The following IKZF2 variants were observed in gnomAD, a reference collection of about 807,000 sequenced individuals.
IKZF2 encodes IKAROS family zinc finger 2.
A neutral mutation model predicts 49.2 loss-of-function variants in IKZF2; 15 were observed. That is an observed-to-expected ratio of 0.30 (90% CI 0.20 to 0.47). IKZF2 has a LOEUF of 0.47. Among genes scored for constraint, IKZF2 ranks in the 20% least tolerant of loss-of-function variants. The pLI is 1.00. For missense variants in IKZF2, 567 were observed against 664.6 expected (o/e 0.85, Z 1.61); for synonymous variants, 227 against 221.4 (o/e 1.03, Z -0.23).
chr2:213,012,010 G>A (rs964614010), intron 8 of IKZF2, among the ~76,000 whole-genome samples: 1 of 152,070 alleles, frequency 6.6e-6, no homozygotes, highest in Non-Finnish European at 1.5e-5. Context: ...AAGTAGATAT[G>A]CAGGAAGTTC....
In IKZF2 at chr2:213,056,996, T is replaced by C. The variant is rs753941329; in HGVS notation, c.243A>G (p.Glu81=). Residue 81 remains glutamate, a synonymous_variant, in exon 5 of 9, where the codon GAA becomes GAG. Coordinates refer to ENST00000434687, the MANE Select transcript of IKZF2 (RefSeq NM_001387220.1). The part of the protein sequence containing the change: ...IRGHDEGSSL[E]EPLIESSEVA... ...CCTCGCTGCTCTCAATTAGGGGTTC[T>C]TCTAGGCTGCTACCCTCATCATGGC... 3.1e-6 allele frequency: 5 copies of C among 1,613,924 alleles called. No homozygotes were observed. Among genetic ancestry groups the C allele is most frequent in the Non-Finnish European group, 4.2e-6 (5 of 1,179,908 alleles).
chr2:213,094,792 C>A (rs1479713539), intron 4 of IKZF2, among the ~76,000 whole-genome samples: 1 of 151,986 alleles, frequency 6.6e-6, no homozygotes, highest in Non-Finnish European at 1.5e-5. Context: ...TGTGGACTGG[C>A]AAGAGGAGAG....
chr2:213,011,007 G>A (rs187392172), intron 8 of IKZF2, among the ~76,000 whole-genome samples: 1 of 152,144 alleles, frequency 6.6e-6, no homozygotes, highest in Admixed American at 6.6e-5. Flanking sequence ...CAAGAAAAGA[G>A]TGTGTTTCCA....
chr2:213,110,187 T>C (rs1208465315), intron 4 of IKZF2, among the ~76,000 whole-genome samples: 3 of 151,968 alleles, frequency 2.0e-5, no homozygotes, highest in Admixed American at 6.6e-5. Flanking sequence ...TTATTAGTGT[T>C]TTTTTCCTTT....
intron 4 of IKZF2, among the ~76,000 whole-genome samples, chr2:213,109,161 C>T (rs184626914): frequency 6.6e-6 from 1 of 152,122 alleles, no homozygotes; most frequent in East Asian, 1.9e-4. Context: ...ATTAAATAAT[C>T]ACTTTGAGGA....
chr2:213,111,665 GTA>G (rs1559288432), intron 4 of IKZF2, among the ~76,000 whole-genome samples: 1 of 152,016 alleles, frequency 6.6e-6, no homozygotes, highest in Non-Finnish European at 1.5e-5. Context: ...CTGAGCATGC[GTA>G]TGTGTTTTCC....
chr2:213,067,955 G>A (rs887277977), intron 4 of IKZF2, among the ~76,000 whole-genome samples: 2 of 152,006 alleles, frequency 1.3e-5, no homozygotes, highest in African/African-American at 4.8e-5. Flanking sequence ...ACTTCTCATT[G>A]TAAGTAGTTA....
At chr2:213,050,777 G>A (rs997248640) in intron 5 of IKZF2, among the ~76,000 whole-genome samples, 3 of 151,982 alleles carry the variant, frequency 2.0e-5, no homozygotes, top group African/African-American at 7.2e-5. Flanking sequence ...AAACATGTAC[G>A]CAATGAAGCA....
chr2:213,111,508 C>T (rs1464154734), intron 4 of IKZF2, among the ~76,000 whole-genome samples: 1 of 151,860 alleles, frequency 6.6e-6, no homozygotes, highest in Non-Finnish European at 1.5e-5. Flanking sequence ...CAAAACATAC[C>T]ATCTGCAAAA....
At chr2:213,069,998 A>C (rs1702534031) in intron 4 of IKZF2, among the ~76,000 whole-genome samples, 1 of 152,082 alleles carries the variant, frequency 6.6e-6, no homozygotes, top group South Asian at 2.1e-4. Flanking sequence ...CGATATTTTT[A>C]ACCATAAACA....
intron 4 of IKZF2, among the ~76,000 whole-genome samples, chr2:213,082,894 A>T (rs1704101821): frequency 6.6e-6 from 1 of 152,198 alleles, no homozygotes; most frequent in Non-Finnish European, 1.5e-5. Context: ...CTTCTAAAAT[A>T]TGTTTGCAAA....
chr2:213,057,400 G>A (rs1267049422), intron 4 of IKZF2, among the ~76,000 whole-genome samples: 1 of 151,990 alleles, frequency 6.6e-6, no homozygotes, highest in African/African-American at 2.4e-5. Flanking sequence ...TCCTGGTATT[G>A]GCTTTTGAGT....
chr2:213,133,736 T>TAAATAAATAAATA (rs1559317308), intron 4 of IKZF2, among the ~76,000 whole-genome samples: 2 of 110,418 alleles, frequency 1.8e-5, no homozygotes, highest in African/African-American at 6.0e-5. Flanking sequence ...ATAAATAAAA[T>TAAATAAATAAATA]AAATATTCAC....
At chr2:213,052,983 A>G (rs1305162073) in intron 5 of IKZF2, among the ~76,000 whole-genome samples, 1 of 152,152 alleles carries the variant, frequency 6.6e-6, no homozygotes, top group Non-Finnish European at 1.5e-5. Flanking sequence ...TTTCTTGTAA[A>G]TAATTTGTTC....
chr2:213,029,261 T>C (rs1205434298), intron 6 of IKZF2, among the ~76,000 whole-genome samples: 4 of 152,066 alleles, frequency 2.6e-5, no homozygotes, highest in African/African-American at 7.2e-5. Flanking sequence ...TACATTTTCC[T>C]TAAATATTTG....
chr2:213,053,084 A>T (rs1229661937), intron 5 of IKZF2, among the ~76,000 whole-genome samples: 1 of 152,162 alleles, frequency 6.6e-6, no homozygotes, highest in Non-Finnish European at 1.5e-5. Context: ...TGTATATCAA[A>T]GCAAATTTTA....
At chr2:213,128,804 C>CTTTTTTTTT (rs1184422126) in intron 4 of IKZF2, among the ~76,000 whole-genome samples, 769 of 113,116 alleles carry the variant, frequency 6.8e-3, no homozygotes, top group Non-Finnish European at 7.9e-3. Flanking sequence ...ATTTTTTTTT[C>CTTTTTTTTT]TTTTTTTTTT....
At chr2:213,062,241 T>A (rs1444383654) in intron 4 of IKZF2, among the ~76,000 whole-genome samples, 1 of 151,702 alleles carries the variant, frequency 6.6e-6, no homozygotes, top group Non-Finnish European at 1.5e-5. Context: ...AAGACATTTT[T>A]AAATATACAT....
chr2:213,007,361 T>C lies in IKZF2; in HGVS notation c.1580A>G (p.Ter527TrpextTer10). 1 of 1,612,502 alleles carries C rather than the reference T, an allele frequency of 6.2e-7. No individual in the cohort carries two copies. Among genetic ancestry groups the C allele is most frequent in the South Asian group, 1.1e-5 (1 of 90,900 alleles). Reference sequence around the variant, plus strand: ...GGGTCCCCTTTGGAATGAAAAGGCCTAGTGGAATGTGTGCTCCCCTCGAAC... The same window carrying C: ...GGGTCCCCTTTGGAATGAAAAGGCCCAGTGGAATGTGTGCTCCCCTCGAAC... ...HIVRGEHTFH[*>W] is the part of the protein sequence containing the mutation. Residue 527 changes from the stop codon to tryptophan (W), a stop_lost, in exon 9 of 9, where the codon TAG becomes TGG. Coordinates refer to ENST00000434687, the MANE Select transcript of IKZF2 (RefSeq NM_001387220.1).
Sources: allele counts gnomAD v4.1 joint callset (sites outside exome capture counted in the v4.1 genomes callset), GRCh38; gene constraint gnomAD v4.1.1; transcripts MANE v1.5; gene names NCBI Gene and HGNC (gene_info 2026-07-23, HGNC 2026-07-21).